Variants in IGSF3 observed in about 807,000 individuals in gnomAD.
IGSF3 encodes the protein immunoglobulin superfamily member 3.
Under a neutral mutation model 114.4 loss-of-function variants are expected in IGSF3, and 23 were observed. The ratio of observed to expected loss-of-function variants is 0.20; its 90% CI spans 0.14 to 0.28. The LOEUF (loss-of-function observed/expected upper bound fraction) is 0.28, where lower values mean the gene tolerates loss of function less well. Among genes scored for constraint, IGSF3 ranks in the 10% least tolerant of loss-of-function variants. The pLI, the probability that IGSF3 is intolerant of heterozygous loss-of-function variation, is 1.00. For missense variants in IGSF3, 1,172 were observed against 1,591.5 expected (o/e 0.74, Z 4.48); for synonymous variants, 571 against 645.2 (o/e 0.88, Z 1.74).
chr1:116,664,623 C>T lies in IGSF3; in HGVS notation c.43+1661G>A, dbSNP rs958502475. 6.6e-6 allele frequency among the ~76,000 whole-genome samples: 1 copy of T among 152,124 alleles called. No homozygotes were observed. The highest frequency in any genetic ancestry group is 1.5e-5 in the Non-Finnish European group (1 of 68,038). ...TGCTGATTTAAACCCAGACACTAAG[C>T]GAATGACACATACAGTACAACAAAT... On this transcript the variant is annotated intron_variant, in intron 2 of 10. Coordinates refer to ENST00000369486, the MANE Select transcript of IGSF3 (RefSeq NM_001007237.3). The surrounding 1 kb of genome is among the most constrained non-coding windows in gnomAD (Gnocchi z 4.6).
In IGSF3 at chr1:116,655,399, T is replaced by A. The variant is rs868734595; in HGVS notation, c.43+10885A>T. ...CATCTCTCCAAAAGAACAACTATTT[T>A]AAAAATCAGGTCTAAAGGTGAGCCA... On this transcript the variant is annotated intron_variant, in intron 2 of 10. Coordinates refer to ENST00000369486, the MANE Select transcript of IGSF3 (RefSeq NM_001007237.3). This position sits in a 1 kb window ranked among gnomAD's most constrained non-coding sequence, Gnocchi z 4.3. Among the ~76,000 whole-genome samples, 1 of 152,250 alleles carries A rather than the reference T, an allele frequency of 6.6e-6. No homozygotes were observed. Among genetic ancestry groups the A allele is most frequent in the South Asian group, 2.1e-4 (1 of 4,832 alleles).
chr1:116,578,881 C>T (rs537210765), intron 10 of IGSF3, among the ~76,000 whole-genome samples: 21 of 152,304 alleles, frequency 1.4e-4, no homozygotes, highest in Admixed American at 5.2e-4. Context: ...TCTAATATCA[C>T]AGCCCTTCTA....
intron 2 of IGSF3, among the ~76,000 whole-genome samples, chr1:116,656,698 C>T (rs1648867938): frequency 6.6e-6 from 1 of 152,116 alleles, no homozygotes; most frequent in Admixed American, 6.5e-5. Context: ...TCTGGAGCAG[C>T]AGATCACCTG....
intron 4 of IGSF3, among the ~76,000 whole-genome samples, chr1:116,611,815 A>G (rs1247127020): frequency 1.3e-5 from 2 of 152,062 alleles, no homozygotes; most frequent in South Asian, 2.1e-4. Flanking sequence ...CAATGCACTT[A>G]GCACATTTTA....
At position 116,593,935 on chromosome 1, in the gene IGSF3, G is replaced by A. The variant is rs899782055; in HGVS notation, c.2030-4831C>T. On this transcript the variant is annotated intron_variant, in intron 7 of 10. Transcript: ENST00000369486. The surrounding 1 kb of genome is among the most constrained non-coding windows in gnomAD (Gnocchi z 4.5). ...TCCATGCAACAAAACTCTGCCTCGT[G>A]TCCTGTGTGACTTTCGAATGACATT... 6.6e-6 allele frequency among the ~76,000 whole-genome samples: 1 copy of A among 152,228 alleles called. No individual in the cohort carries two copies. Among genetic ancestry groups the A allele is most frequent in the Admixed American group, 6.5e-5 (1 of 15,288 alleles).
At chr1:116,580,849 C>T (rs1659575093) in intron 9 of IGSF3, among the ~76,000 whole-genome samples, 2 of 152,198 alleles carry the variant, frequency 1.3e-5, no homozygotes, top group South Asian at 4.1e-4. Context: ...GCAGCCACAA[C>T]CAGGGAATGT....
intron 5 of IGSF3, chr1:116,606,601 G>A (rs1243812136): frequency 9.3e-6 from 7 of 752,430 alleles, no homozygotes; most frequent in Non-Finnish European, 1.7e-5. Context: ...GTTCTCAGAA[G>A]GGGTTGGGGG....
In IGSF3 at chr1:116,577,539, A is replaced by G. The variant is rs1659404082; in HGVS notation, c.3358T>C (p.Cys1120Arg). ...AAGTAGAAGAGTGCGTCGTTGGAGC[A>G]GATGATGGACTGGAGGGTGGGACCT... ...DTSPTLQSII[C>R]SNDALFYFVF... The change falls in exon 11 of 11, where the codon TGC becomes CGC. Residue 1120 changes from cysteine (C) to arginine (R), a missense_variant. By Grantham distance (180) the Cys-to-Arg change is radical. This residue lies in a region of IGSF3 where 423 missense variants were observed against 509.8 expected (regional missense o/e 0.83). Transcript: ENST00000369486. The surrounding 1 kb of genome is among the most constrained non-coding windows in gnomAD (Gnocchi z 5.7). 3 of 1,614,024 alleles carry G rather than the reference A, an allele frequency of 1.9e-6. No homozygotes were observed. The highest frequency in any genetic ancestry group is 2.2e-5 in the East Asian group (1 of 44,898).
At chr1:116,619,448 C>T (rs1198279582) in intron 2 of IGSF3, among the ~76,000 whole-genome samples, 1 of 152,220 alleles carries the variant, frequency 6.6e-6, no homozygotes, top group African/African-American at 2.4e-5. Flanking sequence ...CAAATAACTA[C>T]TGGATTGCAC....
In IGSF3 at chr1:116,612,075, AG is replaced by A. The variant is rs1228083254; in HGVS notation, c.832+1689del. ...GCTGGCTTAGTCTAGATACATTTTC[AG>A]GGTAAATTCAAAAAGTTCTAATTCC... On this transcript the variant is annotated intron_variant, in intron 4 of 10. Transcript: ENST00000369486. The surrounding 1 kb of genome is among the most constrained non-coding windows in gnomAD (Gnocchi z 4.1). Among the ~76,000 whole-genome samples the A allele has an allele frequency of 1.3e-5, 2 of 152,180 alleles. No individual in the cohort carries two copies. The highest frequency in any genetic ancestry group is 6.5e-5 in the Admixed American group (1 of 15,292).
Position 116,585,687 on chromosome 1 carries a change from C to T in IGSF3, c.2441-635G>A, listed in dbSNP as rs547098351. ...CTGTAATCCCAGCACTTTGGGACGC[C>T]GAGGTGGGTGGATCGCTTGAGGCCA... On this transcript the variant is annotated intron_variant, in intron 8 of 10. Transcript: ENST00000369486. This position sits in a 1 kb window ranked among gnomAD's most constrained non-coding sequence, Gnocchi z 4.9. 1.3e-4 allele frequency among the ~76,000 whole-genome samples: 20 copies of T among 152,166 alleles called. No homozygotes were observed. The highest frequency in any genetic ancestry group is 5.2e-4 in the Admixed American group (8 of 15,284).
At chr1:116,620,223 C>T (rs1661370991) in intron 2 of IGSF3, among the ~76,000 whole-genome samples, 1 of 152,104 alleles carries the variant, frequency 6.6e-6, no homozygotes, top group South Asian at 2.1e-4. Context: ...AACGAGGTGA[C>T]TGAAGGTGAG....
In IGSF3 at chr1:116,579,744, C is replaced by T; in HGVS notation, c.2982G>A (p.Arg994=). The change falls in exon 10 of 11, where the codon AGG becomes AGA. Residue 994 remains arginine, a synonymous_variant. Transcript: ENST00000369486. The surrounding 1 kb of genome is among the most constrained non-coding windows in gnomAD (Gnocchi z 6.4). The stretch of plus-strand genomic sequence containing the variant: ...TGCTCCTTTTCCCCCCAGCTTTAGT[C>T]CTCAGGGAATACCAGGCCACAGCGA... The part of the protein sequence containing the change: ...SRFAVAWYSL[R]TKAGGKRSSP... 6.2e-7 allele frequency: 1 copy of T among 1,611,616 alleles called. No homozygotes were observed. The highest frequency in any genetic ancestry group is 8.5e-7 in the Non-Finnish European group (1 of 1,178,402).
At chr1:116,622,902 C>T (rs998267357) in intron 2 of IGSF3, among the ~76,000 whole-genome samples, 1 of 152,324 alleles carries the variant, frequency 6.6e-6, no homozygotes, top group East Asian at 1.9e-4. Context: ...ATCTTCTTGC[C>T]CACCTGGTCC....
rs781348457 is a variant in IGSF3 at position 116,584,766 on chromosome 1, A to G, written c.2727T>C (p.Ala909=). The change falls in exon 9 of 11, where the codon GCT becomes GCC. Residue 909 remains alanine (A), a synonymous_variant. Transcript: ENST00000369486. This position sits in a 1 kb window ranked among gnomAD's most constrained non-coding sequence, Gnocchi z 5.8. ...AGCTGTAGGTCCCGCTGTCCTGCAC[A>G]GCCACGTTCTGGATGAAGAGACGGT... ...GVYRLFIQNV[A]VQDSGTYSCH... The G allele has an allele frequency of 9.3e-6, 15 of 1,614,090 alleles. No homozygotes were observed. The South Asian group carries it at 1.4e-4, about 15-fold the overall frequency.
In IGSF3 at chr1:116,577,576, TGAGA is replaced by T; in HGVS notation, c.3335-18_3335-15del. On this transcript the variant is annotated splice_polypyrimidine_tract_variant and intron_variant, in intron 10 of 10. Coordinates refer to ENST00000369486, the MANE Select transcript of IGSF3 (RefSeq NM_001007237.3). This position sits in a 1 kb window ranked among gnomAD's most constrained non-coding sequence, Gnocchi z 5.7. The stretch of plus-strand genomic sequence containing the variant: ...GGAGGGTGGGACCTGAAAAGAATCA[TGAGA>T]GAGACAAGACAATGAGGGCTGAGAA... 1.2e-6 allele frequency: 2 copies of T among 1,612,896 alleles called. No individual in the cohort carries two copies. Among genetic ancestry groups the T allele is most frequent in the Non-Finnish European group, 1.7e-6 (2 of 1,179,450 alleles).
Position 116,576,863 on chromosome 1 carries a change from T to G in IGSF3, c.*449A>C, listed in dbSNP as rs1291759468. On this transcript the variant is annotated 3_prime_UTR_variant, in exon 11 of 11. Transcript: ENST00000369486. The surrounding 1 kb of genome is among the most constrained non-coding windows in gnomAD (Gnocchi z 4.6). Reference sequence around the variant, plus strand: ...AAAACAAAGTCTTGGAAGAGATTCCTTGTCACTAGAAAGTTCGCCCTTCCT... The same window carrying G: ...AAAACAAAGTCTTGGAAGAGATTCCGTGTCACTAGAAAGTTCGCCCTTCCT... 1.3e-5 allele frequency: 2 copies of G among 156,266 alleles called. No homozygotes were observed. The highest frequency in any genetic ancestry group is 3.8e-4 in the East Asian group (2 of 5,254). The allele number at this position is 156,266 out of a possible 1,614,324, so 9.7% of individuals were successfully genotyped here. A position where few individuals can be genotyped will look rare whatever the true frequency, so the allele number is the denominator to read the frequency against.
rs180873762 is a variant in IGSF3 at position 116,622,467 on chromosome 1, A to T, written c.44-6010T>A. 5.2e-4 allele frequency among the ~76,000 whole-genome samples: 67 copies of T among 128,308 alleles called. 1 individual carries two copies. The East Asian group carries it at 0.013, about 25-fold the overall frequency. 84.2% of individuals were successfully genotyped at this position (128,308 alleles called of 152,430 possible). A position where few individuals can be genotyped will look rare whatever the true frequency, so the allele number is the denominator to read the frequency against. On this transcript the variant is annotated intron_variant, in intron 2 of 10. Transcript: ENST00000369486. Reference sequence around the variant, plus strand: ...ACTGCATATGCAGTAAAATTACATTAAAAAAAAAAAATCCTACACCTACAA... The same window carrying T: ...ACTGCATATGCAGTAAAATTACATTTAAAAAAAAAAATCCTACACCTACAA...
rs1163929528 is a variant in IGSF3 at position 116,603,897 on chromosome 1, C to G, written c.1351G>C (p.Val451Leu). Reference protein sequence around the residue: ...QGRFSVIWQLVDRQNRRSNIM... With the variant: ...QGRFSVIWQLLDRQNRRSNIM... ...TTGCTGCGGCGGTTCTGCCTGTCCA[C>G]AAGCTGCCAGATGACAGAGAAGCGA... The change falls in exon 6 of 11, where the codon GTG becomes CTG. Residue 451 changes from valine to leucine, a missense_variant. This residue lies in a region of IGSF3 where 736 missense variants were observed against 1,042.0 expected (regional missense o/e 0.71). Transcript: ENST00000369486. The surrounding 1 kb of genome is among the most constrained non-coding windows in gnomAD (Gnocchi z 7.1). 2.5e-6 allele frequency: 4 copies of G among 1,614,138 alleles called. No homozygotes were observed. In the South Asian group the frequency reaches 4.4e-5, roughly 18 times the overall value.
Sources: gnomAD v4.1 joint callset for allele counts (sites outside exome capture counted in the v4.1 genomes callset) on GRCh38, gnomAD v4.1.1 for gene constraint, gnomAD v4.1.1 regional missense constraint, Gnocchi (gnomAD v3.1) non-coding constraint, MANE v1.5 for transcripts, NCBI Gene and HGNC (gene_info 2026-07-23, HGNC 2026-07-21) for gene names.